EYS: variants seen among roughly 807,000 people sequenced by gnomAD.
EYS encodes protein eyes shut homolog.
A neutral mutation model predicts 282.1 loss-of-function variants in EYS; 250 were observed. That is an observed-to-expected ratio of 0.89 (90% CI 0.80 to 0.98). EYS has a LOEUF of 0.98. Among genes scored for constraint, EYS ranks in the 50% least tolerant of loss-of-function variants. The pLI is 0.00. For synonymous variants in EYS, 1,355 were observed against 1,282.9 expected, an observed-to-expected ratio of 1.06 and a Z score of -1.20; for missense variants, 4,016 against 3,709.0, an observed-to-expected ratio of 1.08 and a Z score of -2.15.
intron 26 of EYS, among the ~76,000 whole-genome samples, chr6:64,564,654 G>A (rs904211424): frequency 8.6e-5 from 13 of 151,892 alleles, no homozygotes; most frequent in Non-Finnish European, 1.3e-4. Flanking sequence ...TACATGTGCT[G>A]GAAACCATCA....
At chr6:64,875,355 G>A (rs1324455157) in intron 19 of EYS, among the ~76,000 whole-genome samples, 1 of 152,022 alleles carries the variant, frequency 6.6e-6, no homozygotes, top group Non-Finnish European at 1.5e-5. Context: ...GAGCTTTTGT[G>A]ATTACATATG....
intron 12 of EYS, among the ~76,000 whole-genome samples, chr6:65,163,842 T>C (rs1429170502): frequency 6.6e-6 from 1 of 151,318 alleles, no homozygotes. Context: ...TTATGCATTG[T>C]CCATGACAGT....
intron 23 of EYS, among the ~76,000 whole-genome samples, chr6:64,618,277 AT>A (rs907168479): frequency 6.6e-6 from 1 of 152,106 alleles, no homozygotes; most frequent in East Asian, 1.9e-4. Context: ...TATTAGGAAC[AT>A]TTTTTTGAAA....
At chr6:65,336,335 T>A (rs1582155098) in intron 10 of EYS, among the ~76,000 whole-genome samples, 1 of 151,742 alleles carries the variant, frequency 6.6e-6, no homozygotes, top group Admixed American at 6.6e-5. Flanking sequence ...TGAAATAATA[T>A]GTTTCTTTAG....
intron 31 of EYS, among the ~76,000 whole-genome samples, chr6:64,188,505 TA>T (rs1765012672): frequency 6.6e-6 from 1 of 152,172 alleles, no homozygotes; most frequent in South Asian, 2.1e-4. Context: ...TATATTATGC[TA>T]AAAAGTGATT....
intron 2 of EYS, among the ~76,000 whole-genome samples, chr6:65,609,072 A>G (rs1168885773): frequency 6.6e-6 from 1 of 152,050 alleles, no homozygotes; most frequent in East Asian, 1.9e-4. Context: ...CAAATCAATA[A>G]CATAATCTTT....
rs555683060 is a variant in EYS at position 64,131,052 on chromosome 6, G to C, written c.6425-49050C>G. ...CCGGCTAATTTTTGTATTTTTAGTA[G>C]AGACAGAGTTTCACCATGTTGGTCA... is the stretch of plus-strand genomic sequence containing the variant. On this transcript the variant is annotated intron_variant, in intron 31 of 42. Coordinates refer to ENST00000503581, the MANE Select transcript of EYS (RefSeq NM_001142800.2). 1.6e-4 allele frequency among the ~76,000 whole-genome samples: 25 copies of C among 152,076 alleles called. 1 individual carries two copies. Among genetic ancestry groups the C allele is most frequent in the Admixed American group, 7.9e-4 (12 of 15,260 alleles).
intron 26 of EYS, among the ~76,000 whole-genome samples, chr6:64,514,988 T>C (rs1359497161): frequency 6.6e-6 from 1 of 151,782 alleles, no homozygotes; most frequent in Non-Finnish European, 1.5e-5. Context: ...TTTATGCAAT[T>C]TTTCTCTATT....
chr6:65,233,406 C>T (rs1328169491), intron 12 of EYS, among the ~76,000 whole-genome samples: 1 of 152,030 alleles, frequency 6.6e-6, no homozygotes, highest in Non-Finnish European at 1.5e-5. Flanking sequence ...GGGATATTTT[C>T]CTTGCAGTGT....
intron 12 of EYS, among the ~76,000 whole-genome samples, chr6:65,171,369 C>T (rs2150227602): frequency 6.6e-6 from 1 of 151,646 alleles, no homozygotes; most frequent in East Asian, 2.0e-4. Context: ...GACAATGATT[C>T]TTGTATTAAT....
At chr6:65,314,564 GT>G (rs1769249778) in intron 11 of EYS, among the ~76,000 whole-genome samples, 3 of 19,466 alleles carry the variant, frequency 1.5e-4, no homozygotes, top group Admixed American at 8.5e-4. Flanking sequence ...CCCTTATGGT[GT>G]GTGTGTGTGT....
chr6:64,501,445 T>C (rs549152713), intron 26 of EYS, among the ~76,000 whole-genome samples: 26 of 152,240 alleles, frequency 1.7e-4, no homozygotes, highest in Non-Finnish European at 2.9e-4. Context: ...TATGTATGTA[T>C]GTATATACAT....
At chr6:65,148,740 C>T (rs529809549) in intron 12 of EYS, among the ~76,000 whole-genome samples, 1 of 152,066 alleles carries the variant, frequency 6.6e-6, no homozygotes, top group Non-Finnish European at 1.5e-5. Context: ...GGTCTCCACC[C>T]CTGCAGCAAA....
intron 15 of EYS, among the ~76,000 whole-genome samples, chr6:64,926,652 A>G (rs1768526867): frequency 6.6e-6 from 1 of 152,044 alleles, no homozygotes; most frequent in Admixed American, 6.6e-5. Context: ...TAAGTGCCCA[A>G]AGTTTTCTTT....
rs1047410212 is a variant in EYS, at chr6:64,458,555, T to A, written c.5645-19203A>T. Among the ~76,000 whole-genome samples the A allele has an allele frequency of 4.6e-5, 7 of 151,038 alleles. No homozygotes were observed. In the Admixed American group the frequency reaches 4.6e-4, roughly 10 times the overall value. On this transcript the variant is annotated intron_variant, in intron 26 of 42. Transcript: ENST00000503581. ...GCTGCAAAGTCTGCAGCTAGGCATG[T>A]TGAAACTCCCTTATATTTTATTTGC... is the stretch of plus-strand genomic sequence containing the variant.
chr6:64,575,767 G>A (rs930209303), intron 26 of EYS, among the ~76,000 whole-genome samples: 3 of 152,094 alleles, frequency 2.0e-5, no homozygotes, highest in Non-Finnish European at 2.9e-5. Context: ...AGTACTCTAA[G>A]CTTAAGGAAC....
chr6:65,296,221 T>C, intron 11 of EYS, 102 bp from the exon 12 acceptor site: 1 of 1,207,592 alleles, frequency 8.3e-7, no homozygotes, highest in South Asian at 1.6e-5. Context: ...GAAATAAATA[T>C]TTAATGAAGA....
intron 1 of EYS, among the ~76,000 whole-genome samples, chr6:65,660,284 A>G (rs1418633135): frequency 6.6e-6 from 1 of 151,726 alleles, no homozygotes; most frequent in African/African-American, 2.4e-5. Flanking sequence ...CATAATCTTA[A>G]ACTATTTTCT....
intron 22 of EYS, among the ~76,000 whole-genome samples, chr6:64,757,791 G>GTGT: frequency 8.0e-6 from 1 of 124,604 alleles, no homozygotes; most frequent in Non-Finnish European, 1.8e-5. Flanking sequence ...TGTGTGTTTT[G>GTGT]TTTGTTTGTT....
Sources: allele counts gnomAD v4.1 joint callset (sites outside exome capture counted in the v4.1 genomes callset), GRCh38; gene constraint gnomAD v4.1.1; transcripts MANE v1.5; gene names NCBI Gene and HGNC (gene_info 2026-07-23, HGNC 2026-07-21).